Variants in SRP19 observed in about 807,000 individuals in gnomAD.
SRP19 encodes the protein signal recognition particle 19.
In SRP19, 11 loss-of-function variants were observed where a neutral mutation model predicts 22.4. That is an observed-to-expected ratio of 0.49 (90% CI 0.31 to 0.81). The LOEUF (loss-of-function observed/expected upper bound fraction) is 0.81, where lower values mean the gene tolerates loss of function less well. Ranked by LOEUF, SRP19 falls within the 40% of genes least tolerant of loss-of-function variation. SRP19 has a pLI of 0.05. For missense variants in SRP19, 168 were observed against 175.9 expected, an observed-to-expected ratio of 0.96 and a Z score of 0.25; for synonymous variants, 61 against 57.6, an observed-to-expected ratio of 1.06 and a Z score of -0.27.
At chr5:112,864,408 T>G in intron 2 of SRP19, 49 bp from the exon 3 acceptor site, 1 of 1,483,604 alleles carries the variant, frequency 6.7e-7, no homozygotes, top group Non-Finnish European at 9.4e-7. Context: ...ACTATGGCAG[T>G]GTCCACTTAA....
At chr5:112,882,834 T>C (rs1367398717) in intron 4 of SRP19, among the ~76,000 whole-genome samples, 1 of 152,242 alleles carries the variant, frequency 6.6e-6, no homozygotes, top group African/African-American at 2.4e-5. Context: ...CATTGTCTCC[T>C]TCCCCATCCT....
chr5:112,875,108 C>T (rs560218815), intron 4 of SRP19, among the ~76,000 whole-genome samples: 1 of 152,114 alleles, frequency 6.6e-6, no homozygotes, highest in South Asian at 2.1e-4. Context: ...ATCGATCTAA[C>T]CAAGGAAACT....
exon 5 of SRP19, chr5:112,891,853 G>A (rs1251947244): frequency 1.3e-6 from 2 of 1,525,012 alleles, no homozygotes; most frequent in African/African-American, 2.7e-5. Flanking sequence ...ATTGGAAAGA[G>A]AGAGGGAAAG....
rs1426816964 is a variant in SRP19 at position 112,864,473 on chromosome 5, C to T, written c.134C>T (p.Thr45Ile). 1 of 1,613,490 alleles carries T rather than the reference C, an allele frequency of 6.2e-7. No homozygotes were observed. The highest frequency in any genetic ancestry group is 8.5e-7 in the Non-Finnish European group (1 of 1,179,976). ...IPISKAVENPTATEIQDVCSA... is the reference protein window; with the variant it reads ...IPISKAVENPIATEIQDVCSA... Reference sequence around the variant, plus strand: ...ACTGTTCAGGCTGTTGAAAATCCTACAGCTACAGAGATTCAAGATGTATGT... The same window carrying T: ...ACTGTTCAGGCTGTTGAAAATCCTATAGCTACAGAGATTCAAGATGTATGT... The change falls in exon 3 of 5, where the codon ACA (threonine) becomes ATA (isoleucine). Residue 45 changes from threonine to isoleucine, a missense_variant. Coordinates refer to ENST00000505459, the MANE Select transcript of SRP19 (RefSeq NM_003135.3).
intron 4 of SRP19, chr5:112,885,346 T>C (rs1293981857): frequency 1.7e-5 from 3 of 174,972 alleles, no homozygotes; most frequent in Admixed American, 6.5e-5. Flanking sequence ...CCAAAAACTT[T>C]TGCTAGAAAA....
downstream of SRP19, among the ~76,000 whole-genome samples, chr5:112,872,124 A>C (rs1416488329): frequency 6.6e-6 from 1 of 152,300 alleles, no homozygotes; most frequent in African/African-American, 2.4e-5. Flanking sequence ...CTAGCCTACC[A>C]ATATATTTCA....
At chr5:112,875,862 T>C (rs1357239942) in intron 4 of SRP19, among the ~76,000 whole-genome samples, 1 of 151,642 alleles carries the variant, frequency 6.6e-6, no homozygotes, top group Non-Finnish European at 1.5e-5. Context: ...CTGGCTAACA[T>C]GGTGAAACCC....
At chr5:112,887,071 A>C in intron 4 of SRP19, 1 of 1,613,700 alleles carries the variant, frequency 6.2e-7, no homozygotes, top group Non-Finnish European at 8.5e-7. Context: ...GTCCTTGACC[A>C]CACTGTCCAT....
At chr5:112,862,981 C>G (rs1767464219) in intron 2 of SRP19, among the ~76,000 whole-genome samples, 1 of 152,052 alleles carries the variant, frequency 6.6e-6, no homozygotes, top group African/African-American at 2.4e-5. Context: ...GCAGAAAGTT[C>G]AGCCCTGTTG....
At chr5:112,896,078 G>C (rs562608366), downstream of SRP19, 1 of 152,782 alleles carries the variant, frequency 6.5e-6, no homozygotes, top group South Asian at 2.1e-4. Flanking sequence ...TGCAGTTACG[G>C]AACTGAGAGT....
At chr5:112,877,967 AGT>A (rs1229527210) in intron 4 of SRP19, 1 of 149,286 alleles carries the variant, frequency 6.7e-6, no homozygotes, top group Non-Finnish European at 1.5e-5. Context: ...GGGAATTGAG[AGT>A]TACAGGTTAC....
chr5:112,871,463 T>C, downstream of SRP19, among the ~76,000 whole-genome samples: 1 of 151,906 alleles, frequency 6.6e-6, no homozygotes, highest in Non-Finnish European at 1.5e-5. Flanking sequence ...TAAAAAAATT[T>C]TTTTTTAGAG....
At chr5:112,871,341 C>G (rs1767755386), downstream of SRP19, among the ~76,000 whole-genome samples, 1 of 135,058 alleles carries the variant, frequency 7.4e-6, no homozygotes, top group Non-Finnish European at 1.5e-5. Flanking sequence ...ACAGGTCTCT[C>G]TTTTTCACCC....
At chr5:112,874,976 A>G (rs1767862343) in intron 4 of SRP19, among the ~76,000 whole-genome samples, 1 of 152,062 alleles carries the variant, frequency 6.6e-6, no homozygotes, top group Non-Finnish European at 1.5e-5. Flanking sequence ...GGGTTTCACC[A>G]TGTTGGCCAG....
chr5:112,882,613 T>G (rs1186588563), intron 4 of SRP19, among the ~76,000 whole-genome samples: 1 of 152,202 alleles, frequency 6.6e-6, no homozygotes, highest in African/African-American at 2.4e-5. Flanking sequence ...TGACAGTCCA[T>G]TTACTCTCCA....
At chr5:112,884,850 A>G (rs1381715195) in intron 4 of SRP19, among the ~76,000 whole-genome samples, 1 of 151,412 alleles carries the variant, frequency 6.6e-6, no homozygotes, top group African/African-American at 2.4e-5. Flanking sequence ...CTAATTTTCA[A>G]TTTTACTGCC....
At chr5:112,876,020 C>T (rs1005715255) in intron 4 of SRP19, among the ~76,000 whole-genome samples, 14 of 138,844 alleles carry the variant, frequency 1.0e-4, no homozygotes, top group Non-Finnish European at 2.0e-4. Flanking sequence ...GGTGACAGAG[C>T]AAGACTCCAT....
At chr5:112,880,074 T>G (rs1205559469) in intron 4 of SRP19, among the ~76,000 whole-genome samples, 1 of 152,172 alleles carries the variant, frequency 6.6e-6, no homozygotes, top group East Asian at 1.9e-4. Context: ...GAGAAGAGTT[T>G]GCTCTAAGTC....
chr5:112,866,727 AT>A (rs1277994158), intron 4 of SRP19, among the ~76,000 whole-genome samples: 1 of 152,202 alleles, frequency 6.6e-6, no homozygotes, highest in Admixed American at 6.5e-5. Context: ...ATATTCTGAT[AT>A]GTTTTTTCTC....
Sources: gnomAD v4.1 joint callset for allele counts (sites outside exome capture counted in the v4.1 genomes callset) on GRCh38, gnomAD v4.1.1 for gene constraint, MANE v1.5 for transcripts, NCBI Gene and HGNC (gene_info 2026-07-23, HGNC 2026-07-21) for gene names.